DNM3: variants seen among roughly 807,000 people sequenced by gnomAD.
DNM3 encodes the protein dynamin 3.
Under a neutral mutation model 101.6 loss-of-function variants are expected in DNM3, and 47 were observed. The observed-to-expected ratio is 0.46, with a 90% CI of 0.37 to 0.59. DNM3 has a LOEUF of 0.59. DNM3 is among the 20% of genes least tolerant of loss of function. The pLI is 0.00. For missense variants in DNM3, 849 were observed against 1,085.7 expected (o/e 0.78, Z 3.06); for synonymous variants, 385 against 387.9 (o/e 0.99, Z 0.09).
Position 172,301,300 on chromosome 1 carries a change from A to G in DNM3, c.1770-7428A>G, listed in dbSNP as rs1160325519. 2.6e-5 allele frequency among the ~76,000 whole-genome samples: 4 copies of G among 152,154 alleles called. No individual in the cohort carries two copies. In the East Asian group the frequency reaches 5.8e-4, roughly 22 times the overall value. On this transcript the variant is annotated intron_variant, in intron 15 of 20. Coordinates refer to ENST00000627582, the MANE Select transcript of DNM3 (RefSeq NM_015569.5). ...GAGGATAGCTTGAGCCCAGGAGTTC[A>G]TGACCAGCTTGGGCAACACAGTGAG...
chr1:172,131,307 T>A lies in DNM3; in HGVS notation c.1659+19T>A. On this transcript the variant is annotated intron_variant, in intron 14 of 20. Transcript: ENST00000627582. The stretch of plus-strand genomic sequence containing the variant: ...TGATGAGGTAAGTCACAGAGAGTGA[T>A]AAAGTTTTCTTGTTAAAGTATTTCT... 1 of 1,601,122 alleles carries A rather than the reference T, an allele frequency of 6.2e-7. No individual in the cohort carries two copies. The highest frequency in any genetic ancestry group is 8.6e-7 in the Non-Finnish European group (1 of 1,169,306).
intron 1 of DNM3, among the ~76,000 whole-genome samples, chr1:171,862,906 G>C (rs2034327316): frequency 6.6e-6 from 1 of 152,104 alleles, no homozygotes; most frequent in African/African-American, 2.4e-5. Flanking sequence ...TGAGAGAAAA[G>C]AGTAGTTTTG....
rs1363776899 is a variant in DNM3, at chr1:172,092,971, G to A, written c.1545+96G>A. The A allele has an allele frequency of 3.4e-6, 4 of 1,183,710 alleles. No homozygotes were observed. The East Asian group carries it at 1.1e-4, about 34-fold the overall frequency. 73.3% of individuals were successfully genotyped at this position (1,183,710 alleles called of 1,614,324 possible). A position where few individuals can be genotyped will look rare whatever the true frequency, so the allele number is the denominator to read the frequency against. On this transcript the variant is annotated intron_variant, in intron 13 of 20. Coordinates refer to ENST00000627582, the MANE Select transcript of DNM3 (RefSeq NM_015569.5). ...TTTTTTTAATGCAAATTAATCACGTGCAAATTTTGCTTGAAATGCAGCTTT... is the reference window on the plus strand; with the variant it reads ...TTTTTTTAATGCAAATTAATCACGTACAAATTTTGCTTGAAATGCAGCTTT...
chr1:172,053,677 A>G (rs1241989002), intron 10 of DNM3, among the ~76,000 whole-genome samples: 1 of 152,194 alleles, frequency 6.6e-6, no homozygotes, highest in Non-Finnish European at 1.5e-5. Flanking sequence ...AAATATATAT[A>G]CTTGGTTTTA....
At chr1:172,177,399 T>C (rs1203665452) in intron 14 of DNM3, among the ~76,000 whole-genome samples, 1 of 151,886 alleles carries the variant, frequency 6.6e-6, no homozygotes, top group Non-Finnish European at 1.5e-5. Context: ...TAGCTATGTA[T>C]GTATGGGAAA....
chr1:171,861,396 A>G (rs2034161628), intron 1 of DNM3, among the ~76,000 whole-genome samples: 2 of 152,162 alleles, frequency 1.3e-5, no homozygotes, highest in Non-Finnish European at 2.9e-5. Flanking sequence ...CACATACTAA[A>G]TGAATGGAAT....
chr1:171,909,003 A>G (rs2039064958), intron 1 of DNM3, among the ~76,000 whole-genome samples: 1 of 151,106 alleles, frequency 6.6e-6, no homozygotes, highest in Non-Finnish European at 1.5e-5. Flanking sequence ...CTTTTAACTA[A>G]TATTTTTGAA....
chr1:172,011,581 TGTATC>T (rs2047128966), intron 4 of DNM3, among the ~76,000 whole-genome samples: 1 of 152,040 alleles, frequency 6.6e-6, no homozygotes, highest in African/African-American at 2.4e-5. Flanking sequence ...TTTTATATAT[TGTATC>T]CAGTTTTCTA....
chr1:172,304,173 G>A (rs1189341677), intron 15 of DNM3, among the ~76,000 whole-genome samples: 2 of 144,346 alleles, frequency 1.4e-5, no homozygotes, highest in Non-Finnish European at 3.0e-5. Context: ...CAAAATAAAG[G>A]GATGGAGGAA....
At chr1:172,038,596 A>G in intron 7 of DNM3, 135 bp downstream of exon 7, 1 of 1,162,258 alleles carries the variant, frequency 8.6e-7, no homozygotes, top group Admixed American at 2.6e-5. Flanking sequence ...ATACAAGATA[A>G]CTCTTGAATT....
At chr1:172,008,597 G>C (rs1444752076) in intron 4 of DNM3, among the ~76,000 whole-genome samples, 1 of 113,518 alleles carries the variant, frequency 8.8e-6, no homozygotes, top group Admixed American at 8.5e-5. Context: ...TTTTTTTTTT[G>C]TATATGGTGT....
intron 12 of DNM3, among the ~76,000 whole-genome samples, chr1:172,084,315 C>T (rs2053375805): frequency 6.6e-6 from 1 of 152,156 alleles, no homozygotes; most frequent in African/African-American, 2.4e-5. Flanking sequence ...TCTCCACATA[C>T]ATGCACGTGT....
chr1:171,907,654 T>A (rs967913916), intron 1 of DNM3, among the ~76,000 whole-genome samples: 21 of 152,288 alleles, frequency 1.4e-4, no homozygotes, highest in African/African-American at 4.8e-4. Flanking sequence ...CTTCTTCCCC[T>A]TGCTCATTCC....
intron 1 of DNM3, among the ~76,000 whole-genome samples, chr1:171,896,991 G>A (rs2037869399): frequency 6.6e-6 from 1 of 152,072 alleles, no homozygotes; most frequent in Admixed American, 6.6e-5. Context: ...AAAGATTTAA[G>A]TCTTTTGGAC....
At chr1:172,261,630 T>G (rs2062655074) in intron 15 of DNM3, among the ~76,000 whole-genome samples, 1 of 152,202 alleles carries the variant, frequency 6.6e-6, no homozygotes, top group African/African-American at 2.4e-5. Context: ...CTTAAGCCCC[T>G]GGGCAGTGGA....
rs562913362 is a variant in DNM3, at chr1:172,193,536, G to T, written c.1660-60037G>T. ...GCTATTAATTATTGCCTCAATTTCAGAACTTGTTATTGGTCTATTCAGGGA... is the reference window on the plus strand; with the variant it reads ...GCTATTAATTATTGCCTCAATTTCATAACTTGTTATTGGTCTATTCAGGGA... On this transcript the variant is annotated intron_variant, in intron 14 of 20. Coordinates refer to ENST00000627582, the MANE Select transcript of DNM3 (RefSeq NM_015569.5). Among the ~76,000 whole-genome samples the T allele has an allele frequency of 3.5e-3, 531 of 152,206 alleles. 3 individuals carry two copies. The highest frequency in any genetic ancestry group is 0.012 in the African/African-American group (500 of 41,532).
chr1:172,168,773 T>C (rs1224276374), intron 14 of DNM3, among the ~76,000 whole-genome samples: 2 of 151,990 alleles, frequency 1.3e-5, no homozygotes, highest in East Asian at 3.9e-4. Flanking sequence ...TCACACGGTC[T>C]TATTGCCTAT....
chr1:172,240,029 G>C (rs772477588), intron 14 of DNM3, among the ~76,000 whole-genome samples: 1 of 151,758 alleles, frequency 6.6e-6, no homozygotes, highest in Non-Finnish European at 1.5e-5. Context: ...CATGGAAGGG[G>C]CCCCCTTTTC....
At chr1:171,844,262 C>T (rs965051) in intron 1 of DNM3, among the ~76,000 whole-genome samples, 93,002 of 151,964 alleles carry the variant, frequency 0.61, 28,792 homozygotes, top group East Asian at 0.8. Context: ...GCAATAAAAA[C>T]AGTTTCTTTC....
Sources: allele counts gnomAD v4.1 joint callset (sites outside exome capture counted in the v4.1 genomes callset), GRCh38; gene constraint gnomAD v4.1.1; transcripts MANE v1.5; gene names NCBI Gene and HGNC (gene_info 2026-07-23, HGNC 2026-07-21).